The following CADM2 variants were observed in gnomAD, a reference collection of about 807,000 sequenced individuals.
CADM2 encodes the protein immunoglobulin superfamily member 4D.
In CADM2, 12 loss-of-function variants were observed where a neutral mutation model predicts 49.8. The ratio of observed to expected loss-of-function variants is 0.24; its 90% CI spans 0.15 to 0.39. CADM2 has a LOEUF of 0.39. CADM2 is among the 10% of genes least tolerant of loss of function. The probability of loss-of-function intolerance (pLI) is 1.00; values close to 1 mark genes in which losing one functional copy is unlikely to be tolerated. For missense variants in CADM2, 378 were observed against 492.3 expected, an observed-to-expected ratio of 0.77 and a Z score of 2.20; for synonymous variants, 214 against 175.4, an observed-to-expected ratio of 1.22 and a Z score of -1.74.
At chr3:86,014,122 G>T (rs1005492407) in intron 8 of CADM2, 1 of 1,284,516 alleles carries the variant, frequency 7.8e-7, no homozygotes, top group East Asian at 2.3e-5. Flanking sequence ...CAGTGGACAC[G>T]CAGGCATGAT....
intron 1 of CADM2, among the ~76,000 whole-genome samples, chr3:85,603,285 C>G (rs2063461520): frequency 6.6e-6 from 1 of 151,856 alleles, no homozygotes; most frequent in Non-Finnish European, 1.5e-5. Flanking sequence ...ATGCCATTGA[C>G]AATTCTTTTT....
At chr3:85,831,177 C>T (rs1444093328) in intron 3 of CADM2, among the ~76,000 whole-genome samples, 1 of 151,832 alleles carries the variant, frequency 6.6e-6, no homozygotes, top group Non-Finnish European at 1.5e-5. Context: ...GGTTGATTCT[C>T]TTTATGGTTG....
At chr3:85,761,699 G>T (rs1319051412) in intron 2 of CADM2, among the ~76,000 whole-genome samples, 1 of 152,094 alleles carries the variant, frequency 6.6e-6, no homozygotes, top group Non-Finnish European at 1.5e-5. Context: ...AATAGATACT[G>T]ACTTTACACT....
At chr3:85,297,901 C>T (rs2044005625) in intron 1 of CADM2, among the ~76,000 whole-genome samples, 1 of 151,994 alleles carries the variant, frequency 6.6e-6, no homozygotes, top group Admixed American at 6.6e-5. Flanking sequence ...AACCACTAGA[C>T]TATAGGAATC....
At chr3:85,128,238 G>A (rs552884088) in intron 1 of CADM2, among the ~76,000 whole-genome samples, 2 of 152,246 alleles carry the variant, frequency 1.3e-5, no homozygotes, top group Middle Eastern at 3.4e-3. Flanking sequence ...CTTTTTAAGA[G>A]TTCAGCTGCG....
At chr3:85,395,775 G>T (rs559131999) in intron 1 of CADM2, among the ~76,000 whole-genome samples, 151 of 151,896 alleles carry the variant, frequency 9.9e-4, no homozygotes, top group African/African-American at 3.5e-3. Flanking sequence ...ACACATCAGT[G>T]ATTGAAGTGA....
chr3:86,059,650 A>G (rs1738382875), intron 8 of CADM2, among the ~76,000 whole-genome samples: 1 of 152,232 alleles, frequency 6.6e-6, no homozygotes, highest in African/African-American at 2.4e-5. Context: ...CAATGTAGAC[A>G]CAGCTCTCTG....
chr3:85,053,003 A>AC (rs1294819940), intron 1 of CADM2, among the ~76,000 whole-genome samples: 5 of 151,986 alleles, frequency 3.3e-5, no homozygotes, highest in African/African-American at 1.2e-4. Context: ...ATATGAAGAG[A>AC]CCAGTACTGT....
intron 1 of CADM2, among the ~76,000 whole-genome samples, chr3:85,358,056 T>G (rs2032021049): frequency 6.6e-6 from 1 of 152,126 alleles, no homozygotes; most frequent in African/African-American, 2.4e-5. Flanking sequence ...TCAACTTCAG[T>G]GCCATTGACA....
At chr3:85,563,408 GT>G (rs1377880127) in intron 1 of CADM2, among the ~76,000 whole-genome samples, 11 of 124,174 alleles carry the variant, frequency 8.9e-5, no homozygotes, top group African/African-American at 2.8e-4. Flanking sequence ...TTTTGTGTGT[GT>G]GTGGGGGGGT....
chr3:85,943,338 A>G (rs1722214328), intron 7 of CADM2, among the ~76,000 whole-genome samples: 1 of 136,856 alleles, frequency 7.3e-6, no homozygotes, highest in Non-Finnish European at 1.5e-5. Flanking sequence ...TCTTTAGTTT[A>G]ATTAGATCCC....
intron 1 of CADM2, among the ~76,000 whole-genome samples, chr3:85,071,075 A>T (rs1008011871): frequency 5.3e-5 from 8 of 151,824 alleles, no homozygotes; most frequent in African/African-American, 1.7e-4. Context: ...TGACTAACAT[A>T]AGGTACGTTC....
chr3:85,320,913 G>T (rs2044581344), intron 1 of CADM2, among the ~76,000 whole-genome samples: 1 of 144,312 alleles, frequency 6.9e-6, no homozygotes, highest in Non-Finnish European at 1.5e-5. Context: ...TCCTATAGTG[G>T]TGATTTATTT....
chr3:85,452,076 G>A (rs1191523320), intron 1 of CADM2, among the ~76,000 whole-genome samples: 5 of 151,992 alleles, frequency 3.3e-5, no homozygotes, highest in East Asian at 1.9e-4. Context: ...ATGTGCTTCC[G>A]TCGCTCAAAT....
chr3:85,321,116 ATTTTTTTTTTTTTTTTTTTTTTTT>A lies in CADM2; in HGVS notation c.61+361475_61+361498del, dbSNP rs1157576505. Among the ~76,000 whole-genome samples the A allele has an allele frequency of 7.3e-3, 202 of 27,484 alleles. 4 individuals carry two copies. Among genetic ancestry groups the A allele is most frequent in the Middle Eastern group, 0.025 (1 of 40 alleles). 18.0% of individuals were successfully genotyped at this position (27,484 alleles called of 152,430 possible). ...CATATATATATATATATATATATAT[ATTTTTTTTTTTTTTTTTTTTTTTT>A]TTTTTTTTTTTTTTTTTTTTTTTTT... On this transcript the variant is annotated intron_variant, in intron 1 of 9. Coordinates refer to ENST00000383699, the MANE Select transcript of CADM2 (RefSeq NM_001167675.2).
intron 1 of CADM2, among the ~76,000 whole-genome samples, chr3:85,001,357 ATCTT>A (rs1181366756): frequency 6.6e-6 from 1 of 151,938 alleles, no homozygotes; most frequent in African/African-American, 2.4e-5. Flanking sequence ...TCTGTCCATT[ATCTT>A]TCTATCTATC....
intron 1 of CADM2, among the ~76,000 whole-genome samples, chr3:85,087,938 A>G (rs1232547813): frequency 3.3e-5 from 5 of 152,110 alleles, no homozygotes; most frequent in Non-Finnish European, 4.4e-5. Flanking sequence ...ATTTACTGTT[A>G]ATGCCTGTTT....
intron 7 of CADM2, among the ~76,000 whole-genome samples, chr3:85,949,757 G>T (rs1331426640): frequency 2.0e-5 from 3 of 151,064 alleles, no homozygotes; most frequent in Non-Finnish European, 3.0e-5. Flanking sequence ...TCATGAAGCA[G>T]AAGCAGTAGT....
intron 1 of CADM2, among the ~76,000 whole-genome samples, chr3:85,137,735 A>G (rs2039458932): frequency 6.6e-6 from 1 of 152,070 alleles, no homozygotes; most frequent in African/African-American, 2.4e-5. Context: ...TTACTGTTTG[A>G]TTTTGAGGCA....
Sources: allele counts gnomAD v4.1 joint callset (sites outside exome capture counted in the v4.1 genomes callset), GRCh38; gene constraint gnomAD v4.1.1; transcripts MANE v1.5; gene names NCBI Gene and HGNC (gene_info 2026-07-23, HGNC 2026-07-21).